Variants in SHROOM1 observed in about 807,000 individuals in gnomAD.
SHROOM1 encodes the protein protein Shroom1.
SHROOM1 carries 53 observed loss-of-function variants against 64.2 expected under a neutral mutation model. The observed-to-expected ratio is 0.83, with a 90% CI of 0.66 to 1.04. SHROOM1 has a LOEUF of 1.04. Among genes scored for constraint, SHROOM1 ranks in the 50% least tolerant of loss-of-function variants. The pLI is 0.00. For missense variants in SHROOM1, 1,179 were observed against 1,163.2 expected (o/e 1.01, Z -0.20); for synonymous variants, 490 against 518.9 (o/e 0.94, Z 0.76).
chr5:132,830,455 G>T lies in SHROOM1; in HGVS notation c.-501+139C>A. ...CGCGGCGCCGAGCCAGACACGTCCCGGCCGAACGATGCCCGGGCTGCCCCG... is the reference window on the plus strand; with the variant it reads ...CGCGGCGCCGAGCCAGACACGTCCCTGCCGAACGATGCCCGGGCTGCCCCG... On this transcript the variant is annotated intron_variant, in intron 1 of 9. Coordinates refer to ENST00000378679, the MANE Select transcript of SHROOM1 (RefSeq NM_001172700.2). The surrounding 1 kb of genome is among the most constrained non-coding windows in gnomAD (Gnocchi z 5.9). The T allele has an allele frequency of 1.0e-6, 1 of 984,988 alleles. No individual in the cohort carries two copies. Among genetic ancestry groups the T allele is most frequent in the East Asian group, 1.1e-4 (1 of 8,742 alleles). The allele number at this position is 984,988 out of a possible 1,614,324, so 61.0% of individuals were successfully genotyped here. A position where few individuals can be genotyped will look rare whatever the true frequency, so the allele number is the denominator to read the frequency against.
intron 1 of SHROOM1, chr5:132,829,814 T>C: frequency 3.0e-6 from 3 of 985,410 alleles, no homozygotes; most frequent in Non-Finnish European, 2.4e-6. Flanking sequence ...GCTCTCCCTG[T>C]CCCCAGCGTC....
At position 132,825,208 on chromosome 5, in the gene SHROOM1, G is replaced by A. The variant is rs774635428; in HGVS notation, c.933C>T (p.Val311=). 11 of 1,613,994 alleles carry A rather than the reference G, an allele frequency of 6.8e-6. No individual in the cohort carries two copies. Among genetic ancestry groups the A allele is most frequent in the Non-Finnish European group, 9.3e-6 (11 of 1,180,034 alleles). The part of the protein sequence containing the change: ...ASRSRSASGE[V]LGSWGGSGGT... ...CTCCTGATCCTCCCCAGGAACCCAAGACTTCGCCTGAAGCGCTCCGACTCC... is the reference window on the plus strand; with the variant it reads ...CTCCTGATCCTCCCCAGGAACCCAAAACTTCGCCTGAAGCGCTCCGACTCC... Residue 311 remains valine, a synonymous_variant, in exon 4 of 10, where the codon GTC becomes GTT. Coordinates refer to ENST00000378679, the MANE Select transcript of SHROOM1 (RefSeq NM_001172700.2). This position sits in a 1 kb window ranked among gnomAD's most constrained non-coding sequence, Gnocchi z 5.1.
In SHROOM1 at chr5:132,823,133, A is replaced by AGCC; in HGVS notation, c.2227-8_2227-6dup. 6.5e-7 allele frequency: 1 copy of AGCC among 1,550,154 alleles called. No individual in the cohort carries two copies. The highest frequency in any genetic ancestry group is 8.6e-7 in the Non-Finnish European group (1 of 1,156,150). On this transcript the variant is annotated splice_polypyrimidine_tract_variant and splice_region_variant and intron_variant, in intron 9 of 9. Transcript: ENST00000378679. The surrounding 1 kb of genome is among the most constrained non-coding windows in gnomAD (Gnocchi z 4.6). ...GAGTCGCTGCAGCAGGGAGGCCTTGAGCCGCAGGAAGAGGCGCCGTGAGCC... is the reference window on the plus strand; with the variant it reads ...GAGTCGCTGCAGCAGGGAGGCCTTGAGCCGCCGCAGGAAGAGGCGCCGTGAGCC...
chr5:132,823,417 C>G lies in SHROOM1; in HGVS notation c.2059G>C (p.Glu687Gln). 6.2e-7 allele frequency: 1 copy of G among 1,611,522 alleles called. No individual in the cohort carries two copies. Among genetic ancestry groups the G allele is most frequent in the Non-Finnish European group, 8.5e-7 (1 of 1,179,792 alleles). ...QAWARRQAAL[E>Q]AAVRQACAPQ... Reference sequence around the variant, plus strand: ...GCACAGGCCTGGCGCACTGCAGCCTCCAGAGCCGCTTGGCGCCTGGCCCAC... The same window carrying G: ...GCACAGGCCTGGCGCACTGCAGCCTGCAGAGCCGCTTGGCGCCTGGCCCAC... Residue 687 changes from glutamate (E) to glutamine (Q), a missense_variant, in exon 9 of 10, where the codon GAG (glutamate) becomes CAG (glutamine). Physicochemically the swap from Glu to Gln is conservative, Grantham distance 29. Coordinates refer to ENST00000378679, the MANE Select transcript of SHROOM1 (RefSeq NM_001172700.2). The surrounding 1 kb of genome is among the most constrained non-coding windows in gnomAD (Gnocchi z 4.6).
rs1758698641 is a variant in SHROOM1 at position 132,826,262 on chromosome 5, C to G, written c.-43+15G>C. 2.4e-6 allele frequency: 3 copies of G among 1,256,874 alleles called. No homozygotes were observed. The highest frequency in any genetic ancestry group is 1.5e-5 in the African/African-American group (1 of 64,570). 77.9% of individuals were successfully genotyped at this position (1,256,874 alleles called of 1,614,324 possible). A position where few individuals can be genotyped will look rare whatever the true frequency, so the allele number is the denominator to read the frequency against. ...AGCCTGCTGGCCCCGCCACCACGGA[C>G]GGCCAGACACTTACACTTCCCCTCC... On this transcript the variant is annotated intron_variant, in intron 3 of 9. Coordinates refer to ENST00000378679, the MANE Select transcript of SHROOM1 (RefSeq NM_001172700.2).
chr5:132,829,115 C>A (rs1758780470), intron 1 of SHROOM1, among the ~76,000 whole-genome samples: 1 of 152,236 alleles, frequency 6.6e-6, no homozygotes, highest in South Asian at 2.1e-4. Flanking sequence ...TTTGCCAAGC[C>A]TCTCCAGAGC....
Position 132,822,753 on chromosome 5 carries a change from G to T in SHROOM1, c.*43C>A. 6.6e-7 allele frequency: 1 copy of T among 1,515,694 alleles called. No individual in the cohort carries two copies. The highest frequency in any genetic ancestry group is 8.9e-7 in the Non-Finnish European group (1 of 1,127,774). The allele number at this position is 1,515,694 out of a possible 1,614,324, so 93.9% of individuals were successfully genotyped here. On this transcript the variant is annotated 3_prime_UTR_variant, in exon 10 of 10. Transcript: ENST00000378679. The stretch of plus-strand genomic sequence containing the variant: ...AAATCAGCATCACCCCACTTACGTG[G>T]GTGAGAGATAGGGGCGGTGCACCCC...
chr5:132,824,092 G>A lies in SHROOM1; in HGVS notation c.1569C>T (p.Ala523=). ...NDTPGPSHNT[A]LARGTGQPGS... ...CAGGCTGGCCAGTGCCCCTGGCTAGGGCAGTATTGTGAGAGGGACCTGGAG... is the reference window on the plus strand; with the variant it reads ...CAGGCTGGCCAGTGCCCCTGGCTAGAGCAGTATTGTGAGAGGGACCTGGAG... Residue 523 remains alanine, a synonymous_variant, in exon 7 of 10, where the codon GCC becomes GCT. Coordinates refer to ENST00000378679, the MANE Select transcript of SHROOM1 (RefSeq NM_001172700.2). 1.2e-6 allele frequency: 2 copies of A among 1,613,974 alleles called. No individual in the cohort carries two copies. Among genetic ancestry groups the A allele is most frequent in the African/African-American group, 1.3e-5 (1 of 75,056 alleles).
intron 2 of SHROOM1, among the ~76,000 whole-genome samples, chr5:132,827,046 A>G (rs1027130730): frequency 4.6e-5 from 7 of 152,160 alleles, no homozygotes; most frequent in African/African-American, 1.7e-4. Context: ...TCTGGCCCCC[A>G]CTTCTCAAAC....
rs374399036 is a variant in SHROOM1, at chr5:132,824,028, G to A, written c.1633C>T (p.Leu545=). ...TCTAATCTGGCCAGCTCCTGAACCA[G>A]CTCCTCGAGGCACTGACTAGGCCAT... ...PTWPSQCLEE[L]VQELARLDPS... is the part of the protein sequence containing the mutation. The change falls in exon 7 of 10, where the codon CTG becomes TTG. Residue 545 remains leucine (L), a synonymous_variant. Coordinates refer to ENST00000378679, the MANE Select transcript of SHROOM1 (RefSeq NM_001172700.2). The A allele has an allele frequency of 1.9e-6, 3 of 1,607,600 alleles. No individual in the cohort carries two copies. The highest frequency in any genetic ancestry group is 2.7e-5 in the African/African-American group (2 of 74,900).
In SHROOM1 at chr5:132,825,386, A is replaced by C; in HGVS notation, c.755T>G (p.Leu252Arg). The C allele has an allele frequency of 6.3e-7, 1 of 1,597,114 alleles. No homozygotes were observed. The highest frequency in any genetic ancestry group is 8.5e-7 in the Non-Finnish European group (1 of 1,178,660). ...GAACTCCAAGGGCTCGGGCCCAGGG[A>C]GGCCAGAGCTGGAGCAGGCCTCACC... is the stretch of plus-strand genomic sequence containing the variant. ...CLGEACSSSGLPGPEPLEFQH... is the reference protein window; with the variant it reads ...CLGEACSSSGRPGPEPLEFQH... Residue 252 changes from leucine to arginine, a missense_variant, in exon 4 of 10, where the codon CTC becomes CGC. Physicochemically the swap from Leu to Arg is moderately radical, Grantham distance 102 (BLOSUM62 -2). Transcript: ENST00000378679. This position sits in a 1 kb window ranked among gnomAD's most constrained non-coding sequence, Gnocchi z 5.1.
Position 132,823,723 on chromosome 5 carries a change from C to T in SHROOM1, c.1853G>A (p.Arg618Gln), listed in dbSNP as rs757180276. 1.1e-5 allele frequency: 17 copies of T among 1,609,418 alleles called. No homozygotes were observed. The highest frequency in any genetic ancestry group is 1.7e-5 in the Admixed American group (1 of 59,428). The change falls in exon 8 of 10, where the codon CGG becomes CAG. Residue 618 changes from arginine to glutamine, a missense_variant. Arg to Gln is a conservative substitution (Grantham distance 43, BLOSUM62 1). Coordinates refer to ENST00000378679, the MANE Select transcript of SHROOM1 (RefSeq NM_001172700.2). The surrounding 1 kb of genome is among the most constrained non-coding windows in gnomAD (Gnocchi z 4.6). ...FSFTQLLPAPREETRLENPAT... is the reference protein window; with the variant it reads ...FSFTQLLPAPQEETRLENPAT... ...AGGGTTTTCAAGCCTTGTCTCCTCC[C>T]GAGGAGCCGGCAGGAGCTGGGTGAA...
intron 1 of SHROOM1, chr5:132,829,506 C>G: frequency 1.1e-6 from 1 of 895,604 alleles, no homozygotes; most frequent in Middle Eastern, 5.7e-4. Flanking sequence ...TAAAATCACA[C>G]CAAGGCAATG....
At chr5:132,829,621 C>T in intron 1 of SHROOM1, 3 of 985,468 alleles carry the variant, frequency 3.0e-6, no homozygotes, top group Non-Finnish European at 3.6e-6. Context: ...GGCCACCTCA[C>T]ATCTGACCTC....
At position 132,824,401 on chromosome 5, in the gene SHROOM1, C is replaced by CT; in HGVS notation, c.1259dup (p.Pro421AlafsTer23). ...TTTGGCCTAAGCCAGTTCCATACGG[C>CT]TGGTCAGAGGCATGGACACTGGAAG... On this transcript the variant is annotated frameshift_variant, in exon 7 of 10. Transcript: ENST00000378679. LOFTEE classifies it high-confidence loss of function. 6.4e-7 allele frequency: 1 copy of CT among 1,553,778 alleles called. No individual in the cohort carries two copies. The highest frequency in any genetic ancestry group is 8.7e-7 in the Non-Finnish European group (1 of 1,151,458).
intron 1 of SHROOM1, among the ~76,000 whole-genome samples, chr5:132,828,328 C>T (rs1053407656): frequency 3.9e-5 from 6 of 152,196 alleles, no homozygotes; most frequent in African/African-American, 1.4e-4. Context: ...ATCTTGATGT[C>T]ACCCACCTGG....
At position 132,822,974 on chromosome 5, in the gene SHROOM1, G is replaced by A; in HGVS notation, c.2381C>T (p.Ala794Val). 2.5e-6 allele frequency: 4 copies of A among 1,609,388 alleles called. No individual in the cohort carries two copies. The highest frequency in any genetic ancestry group is 3.4e-6 in the Non-Finnish European group (4 of 1,179,744). Reference sequence around the variant, plus strand: ...CTGGGCCAGGACGGCGGCCTTGCCCGCCAGCAGGGCGCAATAGACGCGCAG... The same window carrying A: ...CTGGGCCAGGACGGCGGCCTTGCCCACCAGCAGGGCGCAATAGACGCGCAG... ...EELRVYCALLAGKAAVLAQQR... is the reference protein window; with the variant it reads ...EELRVYCALLVGKAAVLAQQR... Residue 794 changes from alanine to valine, a missense_variant, in exon 10 of 10, where the codon GCG (alanine) becomes GTG (valine). Transcript: ENST00000378679.
At position 132,824,136 on chromosome 5, in the gene SHROOM1, C is replaced by G; in HGVS notation, c.1525G>C (p.Gly509Arg). Residue 509 changes from glycine (G) to arginine (R), a missense_variant, in exon 7 of 10, where the codon GGA becomes CGA. Coordinates refer to ENST00000378679, the MANE Select transcript of SHROOM1 (RefSeq NM_001172700.2). ...CCTGGAGTATCATTGCCTGAAAGTC[C>G]CAAGGCATCAGCTGGGACAGGTTTG... ...LLKPVPADALGLSGNDTPGPS... is the reference protein window; with the variant it reads ...LLKPVPADALRLSGNDTPGPS... The G allele has an allele frequency of 1.9e-6, 3 of 1,614,164 alleles. No homozygotes were observed. Among genetic ancestry groups the G allele is most frequent in the Non-Finnish European group, 2.5e-6 (3 of 1,180,032 alleles).
In SHROOM1 at chr5:132,823,696, G is replaced by A. The variant is rs375259652; in HGVS notation, c.1880C>T (p.Ala627Val). The change falls in exon 8 of 10, where the codon GCC becomes GTC. Residue 627 changes from alanine to valine, a missense_variant. Physicochemically the swap from Ala to Val is moderately conservative, Grantham distance 64. Coordinates refer to ENST00000378679, the MANE Select transcript of SHROOM1 (RefSeq NM_001172700.2). This position sits in a 1 kb window ranked among gnomAD's most constrained non-coding sequence, Gnocchi z 4.6. ...TGGCTGGTCAAGCACAGGGTGGGTG[G>A]CAGGGTTTTCAAGCCTTGTCTCCTC... ...PREETRLENP[A>V]THPVLDQPCG... 1.4e-5 allele frequency: 23 copies of A among 1,612,118 alleles called. No individual in the cohort carries two copies. Among genetic ancestry groups the A allele is most frequent in the African/African-American group, 2.7e-5 (2 of 74,888 alleles).
Sources: allele counts gnomAD v4.1 joint callset (sites outside exome capture counted in the v4.1 genomes callset), GRCh38; gene constraint gnomAD v4.1.1; non-coding constraint Gnocchi (gnomAD v3.1); transcripts MANE v1.5; gene names NCBI Gene and HGNC (gene_info 2026-07-23, HGNC 2026-07-21).